NCALD: variants seen among roughly 807,000 people sequenced by gnomAD.
NCALD encodes the protein neurocalcin-delta.
A neutral mutation model predicts 18.6 loss-of-function variants in NCALD; 10 were observed. The observed-to-expected ratio is 0.54, with a 90% CI of 0.33 to 0.91. The LOEUF (loss-of-function observed/expected upper bound fraction) is 0.91, where lower values mean the gene tolerates loss of function less well. NCALD is among the 40% of genes least tolerant of loss of function. NCALD has a pLI of 0.03. For synonymous variants in NCALD, 88 were observed against 87.4 expected (o/e 1.01, Z -0.04); for missense variants, 184 against 247.6 (o/e 0.74, Z 1.72).
chr8:101,801,649 T>C (rs868277159), intron 4 of NCALD, among the ~76,000 whole-genome samples: 739 of 63,034 alleles, frequency 0.012, 4 homozygotes, highest in African/African-American at 0.07. Flanking sequence ...CTTACTTTTT[T>C]TTTTTTTTTT....
chr8:101,811,873 T>G (rs1166726829), intron 4 of NCALD, among the ~76,000 whole-genome samples: 1 of 152,204 alleles, frequency 6.6e-6, no homozygotes, highest in South Asian at 2.1e-4. Context: ...TTAAATTGCA[T>G]GGACAATTTT....
At chr8:101,933,558 T>C (rs899686836) in intron 2 of NCALD, among the ~76,000 whole-genome samples, 8 of 152,196 alleles carry the variant, frequency 5.3e-5, no homozygotes, top group Non-Finnish European at 1.0e-4. Context: ...AAGTTTGTGG[T>C]GATTTGTTAC....
intron 4 of NCALD, among the ~76,000 whole-genome samples, chr8:101,827,808 C>A (rs958136332): frequency 6.6e-6 from 1 of 152,206 alleles, no homozygotes; most frequent in African/African-American, 2.4e-5. Flanking sequence ...CCACAATCAA[C>A]CACTGATTTT....
At chr8:101,769,594 T>C (rs1215089629) in intron 1 of NCALD, among the ~76,000 whole-genome samples, 2 of 151,928 alleles carry the variant, frequency 1.3e-5, no homozygotes, top group African/African-American at 4.8e-5. Context: ...TAGAAGTAAA[T>C]GCACATTTAT....
intron 3 of NCALD, among the ~76,000 whole-genome samples, chr8:101,898,323 C>A (rs76751968): frequency 0.017 from 2,652 of 152,248 alleles, 92 homozygotes; most frequent in African/African-American, 0.06. Flanking sequence ...AGCTTATTTG[C>A]CATCCAAATA....
At chr8:102,019,443 C>T (rs574668022) in intron 2 of NCALD, among the ~76,000 whole-genome samples, 4 of 152,032 alleles carry the variant, frequency 2.6e-5, no homozygotes, top group Admixed American at 1.3e-4. Context: ...AACAGAAATA[C>T]GTATATGTAA....
intron 2 of NCALD, among the ~76,000 whole-genome samples, chr8:101,715,076 C>A (rs1450648593): frequency 1.3e-5 from 2 of 151,462 alleles, no homozygotes; most frequent in African/African-American, 2.4e-5. Context: ...GCTACAGTAA[C>A]CAAAACGGCA....
chr8:101,869,108 C>G (rs1235855294), intron 4 of NCALD, among the ~76,000 whole-genome samples: 1 of 152,182 alleles, frequency 6.6e-6, no homozygotes, highest in Non-Finnish European at 1.5e-5. Context: ...AGAGTTCACA[C>G]ATGTGGTAGG....
At chr8:102,009,141 C>G (rs1216470545) in intron 2 of NCALD, among the ~76,000 whole-genome samples, 1 of 152,200 alleles carries the variant, frequency 6.6e-6, no homozygotes, top group Non-Finnish European at 1.5e-5. Flanking sequence ...GTTTTGAATA[C>G]TGCCAAGTGT....
At chr8:101,805,994 T>G (rs1453083973) in intron 4 of NCALD, among the ~76,000 whole-genome samples, 1 of 152,066 alleles carries the variant, frequency 6.6e-6, no homozygotes, top group Non-Finnish European at 1.5e-5. Flanking sequence ...GGGTGTGATA[T>G]CAAATGAAGC....
At chr8:101,974,888 G>T (rs1291456523) in intron 2 of NCALD, among the ~76,000 whole-genome samples, 1 of 152,120 alleles carries the variant, frequency 6.6e-6, no homozygotes, top group African/African-American at 2.4e-5. Context: ...ATTTTGAAAT[G>T]AAACAAAATA....
chr8:102,039,163 G>A (rs1333288047), intron 1 of NCALD, among the ~76,000 whole-genome samples: 1 of 152,120 alleles, frequency 6.6e-6, no homozygotes, highest in African/African-American at 2.4e-5. Flanking sequence ...TTTCTGCCTG[G>A]TGAGACTCTC....
intron 1 of NCALD, among the ~76,000 whole-genome samples, chr8:102,023,355 C>T (rs920597406): frequency 2.0e-5 from 3 of 151,976 alleles, no homozygotes; most frequent in African/African-American, 2.4e-5. Context: ...GGGTTTAGAA[C>T]GAAAACTCAT....
intron 3 of NCALD, among the ~76,000 whole-genome samples, chr8:101,897,931 G>A (rs1817267483): frequency 6.6e-6 from 1 of 152,214 alleles, no homozygotes; most frequent in Non-Finnish European, 1.5e-5. Context: ...AATCACAGGG[G>A]CGGTTCCCCC....
In NCALD at chr8:101,705,232, T is replaced by C. The variant is rs553442756; in HGVS notation, c.379-12336A>G. Among the ~76,000 whole-genome samples the C allele has an allele frequency of 3.3e-5, 5 of 150,886 alleles. No individual in the cohort carries two copies. The East Asian group carries it at 9.7e-4, about 29-fold the overall frequency. ...GAGCAAGACTTCATCTCAAAATAAA[T>C]AAATAAATAAATAAAATTAAAATAA... On this transcript the variant is annotated intron_variant, in intron 2 of 3. Transcript: ENST00000220931.
At chr8:101,937,062 C>T (rs1409228542) in intron 2 of NCALD, among the ~76,000 whole-genome samples, 1 of 152,106 alleles carries the variant, frequency 6.6e-6, no homozygotes, top group East Asian at 1.9e-4. Context: ...GACTAGCAAG[C>T]TTTCTATGTT....
At chr8:101,862,448 A>T (rs769357082) in intron 4 of NCALD, among the ~76,000 whole-genome samples, 1 of 152,202 alleles carries the variant, frequency 6.6e-6, no homozygotes, top group Non-Finnish European at 1.5e-5. Context: ...CCTTAGTCTT[A>T]ATCTTTCAAA....
At chr8:101,824,640 C>A (rs1414377159) in intron 4 of NCALD, among the ~76,000 whole-genome samples, 1 of 152,054 alleles carries the variant, frequency 6.6e-6, no homozygotes. Flanking sequence ...GCGTGGAAGT[C>A]TTTTCTATTA....
At chr8:102,065,086 A>G (rs573431555) in intron 1 of NCALD, among the ~76,000 whole-genome samples, 3 of 152,056 alleles carry the variant, frequency 2.0e-5, no homozygotes, top group Admixed American at 2.0e-4. Context: ...CAAAAAGCTA[A>G]AAAGCAGTAG....
Sources: gnomAD v4.1 joint callset for allele counts (sites outside exome capture counted in the v4.1 genomes callset) on GRCh38, gnomAD v4.1.1 for gene constraint, MANE v1.5 for transcripts, NCBI Gene and HGNC (gene_info 2026-07-23, HGNC 2026-07-21) for gene names.